Variants in ROBO2 observed in about 807,000 individuals in gnomAD.
ROBO2 encodes roundabout homolog 2.
Under a neutral mutation model 160.8 loss-of-function variants are expected in ROBO2, and 53 were observed. The ratio of observed to expected loss-of-function variants is 0.33; its 90% CI spans 0.26 to 0.41. ROBO2 has a LOEUF of 0.41. Ranked by LOEUF, ROBO2 falls within the 10% of genes least tolerant of loss-of-function variation. The pLI, the probability that ROBO2 is intolerant of heterozygous loss-of-function variation, is 1.00. For synonymous variants in ROBO2, 664 were observed against 611.7 expected (o/e 1.09, Z -1.26); for missense variants, 1,577 against 1,722.4 (o/e 0.92, Z 1.49).
intron 2 of ROBO2, among the ~76,000 whole-genome samples, chr3:77,109,904 G>A (rs1010083582): frequency 3.3e-5 from 5 of 152,128 alleles, no homozygotes; most frequent in Admixed American, 2.6e-4. Flanking sequence ...CCCAGAAACA[G>A]TTATTCAATT....
chr3:76,803,740 C>A (rs1015948512), intron 2 of ROBO2, among the ~76,000 whole-genome samples: 2 of 152,026 alleles, frequency 1.3e-5, no homozygotes, highest in Admixed American at 6.6e-5. Context: ...TTTATACACT[C>A]GACTCAAGTT....
At chr3:76,985,692 C>T (rs2060342993) in intron 2 of ROBO2, among the ~76,000 whole-genome samples, 1 of 149,980 alleles carries the variant, frequency 6.7e-6, no homozygotes, top group Admixed American at 6.7e-5. Flanking sequence ...TTAGCAATGG[C>T]TAATGTTCTT....
intron 2 of ROBO2, among the ~76,000 whole-genome samples, chr3:76,674,728 G>A (rs750746013): frequency 2.6e-5 from 4 of 152,094 alleles, no homozygotes; most frequent in African/African-American, 4.8e-5. Flanking sequence ...TGGCACTGGG[G>A]TGGGCCTGAG....
chr3:76,397,542 A>G (rs1390456376), intron 2 of ROBO2, among the ~76,000 whole-genome samples: 17 of 151,800 alleles, frequency 1.1e-4, no homozygotes, highest in African/African-American at 3.9e-4. Context: ...CAGGCAACCT[A>G]CAAAATGGGA....
intron 2 of ROBO2, among the ~76,000 whole-genome samples, chr3:75,969,134 T>C (rs1262218477): frequency 6.7e-6 from 1 of 148,600 alleles, no homozygotes; most frequent in African/African-American, 2.4e-5. Context: ...CTGAATACTA[T>C]ATATATAATA....
rs567663436 is a variant in ROBO2, at chr3:76,388,037, T to G, written c.109+450435T>G. The stretch of plus-strand genomic sequence containing the variant: ...TTCAGGCAGTAAAGTCAGTTAAGAG[T>G]TTCTTCCGGTAAACATACTGTGGAT... On this transcript the variant is annotated intron_variant, in intron 2 of 26. Coordinates refer to the ROBO2 transcript ENST00000487694. Among the ~76,000 whole-genome samples, 40 of 152,206 alleles carry G rather than the reference T, an allele frequency of 2.6e-4. 1 individual carries two copies. Among genetic ancestry groups the G allele is most frequent in the African/African-American group, 9.6e-4 (40 of 41,538 alleles).
chr3:77,182,335 A>T (rs764756020), intron 2 of ROBO2, among the ~76,000 whole-genome samples: 55 of 152,126 alleles, frequency 3.6e-4, no homozygotes, highest in Non-Finnish European at 6.2e-4. Flanking sequence ...GGACAACAAA[A>T]GTATACACAA....
At chr3:77,515,878 A>G (rs2089966159) in intron 5 of ROBO2, among the ~76,000 whole-genome samples, 1 of 151,726 alleles carries the variant, frequency 6.6e-6, no homozygotes, top group Non-Finnish European at 1.5e-5. Flanking sequence ...TTAGGACATT[A>G]GACTAGGCTC....
At chr3:77,550,738 C>A in intron 7 of ROBO2, 80 bp from the exon 9 acceptor site, 1 of 1,415,002 alleles carries the variant, frequency 7.1e-7, no homozygotes, top group Non-Finnish European at 1.0e-6. Context: ...CCACTGTATT[C>A]CTTAATTGTA....
chr3:77,206,564 C>A (rs2083468951), intron 2 of ROBO2, among the ~76,000 whole-genome samples: 1 of 152,026 alleles, frequency 6.6e-6, no homozygotes, highest in Non-Finnish European at 1.5e-5. Flanking sequence ...GACTCTATAC[C>A]GAACGTGGTC....
intron 2 of ROBO2, among the ~76,000 whole-genome samples, chr3:77,342,815 A>C (rs1259456424): frequency 6.6e-6 from 1 of 152,190 alleles, no homozygotes; most frequent in East Asian, 1.9e-4. Flanking sequence ...TAATCCACAA[A>C]GCTTAGCACT....
intron 2 of ROBO2, among the ~76,000 whole-genome samples, chr3:76,329,427 G>A (rs1333696615): frequency 2.6e-5 from 4 of 152,094 alleles, no homozygotes; most frequent in African/African-American, 9.7e-5. Context: ...CGTGTTGGCC[G>A]GGCTGGTCTC....
chr3:77,313,118 A>G (rs2063688062), intron 2 of ROBO2, among the ~76,000 whole-genome samples: 1 of 152,234 alleles, frequency 6.6e-6, no homozygotes, highest in African/African-American at 2.4e-5. Context: ...AAGGAACAAG[A>G]TAAAGCATAG....
intron 12 of ROBO2, among the ~76,000 whole-genome samples, chr3:77,566,725 G>A (rs1037831067): frequency 6.6e-6 from 1 of 151,988 alleles, no homozygotes; most frequent in African/African-American, 2.4e-5. Flanking sequence ...TTGTGGTCTG[G>A]TTTGTTCCAA....
chr3:76,399,302 C>G (rs956784097), intron 2 of ROBO2, among the ~76,000 whole-genome samples: 13 of 151,616 alleles, frequency 8.6e-5, no homozygotes, highest in African/African-American at 3.1e-4. Flanking sequence ...GTTAGTCTCT[C>G]TAAAAATGGA....
At chr3:76,218,949 T>C (rs1703758960) in intron 2 of ROBO2, among the ~76,000 whole-genome samples, 1 of 152,138 alleles carries the variant, frequency 6.6e-6, no homozygotes, top group African/African-American at 2.4e-5. Context: ...AGCATGATAC[T>C]GGTACCAAAA....
At chr3:76,400,834 C>G (rs1252974425) in intron 2 of ROBO2, among the ~76,000 whole-genome samples, 1 of 151,428 alleles carries the variant, frequency 6.6e-6, no homozygotes, top group Non-Finnish European at 1.5e-5. Flanking sequence ...TCAGTGTTCT[C>G]TCTACAACCT....
rs150247244 is a variant in ROBO2, at chr3:76,483,925, A to G, written c.109+546323A>G. Among the ~76,000 whole-genome samples the G allele has an allele frequency of 2.5e-3, 376 of 152,246 alleles. 1 individual carries two copies. Among genetic ancestry groups the G allele is most frequent in the African/African-American group, 8.3e-3 (345 of 41,562 alleles). ...CTTTTTTATAGCTACATAGTATTCA[A>G]TGGTGTATATGTACAACATTTTCTT... is the stretch of plus-strand genomic sequence containing the variant. On this transcript the variant is annotated intron_variant, in intron 2 of 26. Transcript: ENST00000487694.
chr3:76,038,836 T>C (rs1290468734), intron 2 of ROBO2, among the ~76,000 whole-genome samples: 3 of 151,812 alleles, frequency 2.0e-5, no homozygotes, highest in Non-Finnish European at 4.4e-5. Flanking sequence ...TGCTAGATTG[T>C]GTCTAGTAAT....
Sources: allele counts gnomAD v4.1 joint callset (sites outside exome capture counted in the v4.1 genomes callset), GRCh38; gene constraint gnomAD v4.1.1; transcripts MANE v1.5; gene names NCBI Gene and HGNC (gene_info 2026-07-23, HGNC 2026-07-21).